The following RNLS variants were observed in gnomAD, a reference collection of about 807,000 sequenced individuals.
RNLS encodes renalase.
In RNLS, 39 loss-of-function variants were observed where a neutral mutation model predicts 39.8. That is an observed-to-expected ratio of 0.98 (90% confidence interval 0.76 to 1.28). RNLS has a LOEUF of 1.28. RNLS is among the 50% of genes most tolerant of loss of function. The probability of loss-of-function intolerance (pLI) is 0.00; values close to 1 mark genes in which losing one functional copy is unlikely to be tolerated. For missense variants in RNLS, 410 were observed against 413.3 expected (o/e 0.99, Z 0.07); for synonymous variants, 147 against 150.7 (o/e 0.98, Z 0.18).
rs144226407 is a variant in RNLS, at chr10:88,455,932, G to A, written c.527-93207C>T. 1.3e-3 allele frequency among the ~76,000 whole-genome samples: 201 copies of A among 152,256 alleles called. 1 individual carries two copies. Among genetic ancestry groups the A allele is most frequent in the African/African-American group, 4.7e-3 (194 of 41,532 alleles). On this transcript the variant is annotated intron_variant, in intron 4 of 6. Coordinates refer to ENST00000331772, the MANE Select transcript of RNLS (RefSeq NM_001031709.3). ...GAATAGTAATCTACCTCCATTAAAA[G>A]CCTCCCAAGAGGACTTAGCTCCAGT... is the stretch of plus-strand genomic sequence containing the variant.
chr10:88,338,100 AGCAGTCTAAAAATCAGTTG>A (rs1258356637), intron 5 of RNLS, among the ~76,000 whole-genome samples: 1 of 152,240 alleles, frequency 6.6e-6, no homozygotes, highest in African/African-American at 2.4e-5. Context: ...TTAATTTTCC[AGCAGTCTAAAAATCAGTTG>A]GCAGTGATGA....
At chr10:88,523,389 T>C (rs193125934) in intron 4 of RNLS, among the ~76,000 whole-genome samples, 6 of 152,282 alleles carry the variant, frequency 3.9e-5, no homozygotes, top group Non-Finnish European at 7.4e-5. Context: ...TTTATAGACT[T>C]TTTGAAAATA....
At chr10:88,544,622 C>A (rs1014221372) in intron 4 of RNLS, among the ~76,000 whole-genome samples, 3 of 152,142 alleles carry the variant, frequency 2.0e-5, no homozygotes, top group African/African-American at 7.2e-5. Flanking sequence ...AAAATGACTT[C>A]GACTTAAAAT....
intron 4 of RNLS, among the ~76,000 whole-genome samples, chr10:88,515,048 A>C (rs958202406): frequency 5.4e-5 from 8 of 149,370 alleles, no homozygotes; most frequent in Admixed American, 2.1e-4. Flanking sequence ...GTGCTTTTTT[A>C]AATAATGGCT....
At chr10:88,342,745 C>A (rs574788863) in intron 5 of RNLS, among the ~76,000 whole-genome samples, 4 of 152,062 alleles carry the variant, frequency 2.6e-5, no homozygotes, top group Non-Finnish European at 5.9e-5. Flanking sequence ...CTGAGACAGT[C>A]TAGGTAGAGA....
chr10:88,193,885 T>C, the RNLS span, among the ~76,000 whole-genome samples: 3 of 152,310 alleles, frequency 2.0e-5, no homozygotes, highest in South Asian at 6.2e-4. Flanking sequence ...CCCACTACAA[T>C]GTGGTTTTCT....
chr10:88,424,813 C>A (rs180681384), intron 4 of RNLS, among the ~76,000 whole-genome samples: 1 of 152,118 alleles, frequency 6.6e-6, no homozygotes, highest in East Asian at 1.9e-4. Context: ...AGCACTGGGG[C>A]AGAGGAAGTG....
chr10:88,212,034 C>T, the RNLS span, among the ~76,000 whole-genome samples: 177 of 152,234 alleles, frequency 1.2e-3, no homozygotes, highest in African/African-American at 4.2e-3. Context: ...AATTGCATTC[C>T]CATCATACAT....
chr10:88,386,467 T>G (rs1851862002), intron 4 of RNLS, among the ~76,000 whole-genome samples: 1 of 152,268 alleles, frequency 6.6e-6, no homozygotes, highest in Non-Finnish European at 1.5e-5. Flanking sequence ...CTGGTCATTT[T>G]AAACTGCAAA....
chr10:88,553,508 A>T (rs1025684045), intron 4 of RNLS, among the ~76,000 whole-genome samples: 1 of 152,190 alleles, frequency 6.6e-6, no homozygotes, highest in African/African-American at 2.4e-5. Flanking sequence ...AAGTATAACA[A>T]TCTTAAGAAT....
chr10:88,182,411 A>G, the RNLS span, among the ~76,000 whole-genome samples: 2 of 152,162 alleles, frequency 1.3e-5, no homozygotes, highest in African/African-American at 4.8e-5. Context: ...CTGAAGCCAC[A>G]CACTGATCAT....
At chr10:88,502,528 C>T (rs1845561617) in intron 4 of RNLS, among the ~76,000 whole-genome samples, 1 of 152,144 alleles carries the variant, frequency 6.6e-6, no homozygotes, top group Admixed American at 6.6e-5. Flanking sequence ...TAGCATGAGG[C>T]CCTCACCAGA....
intron 4 of RNLS, among the ~76,000 whole-genome samples, chr10:88,458,532 T>C (rs1434848868): frequency 6.6e-6 from 1 of 152,232 alleles, no homozygotes. Flanking sequence ...GCTGAATTCT[T>C]ACTGGCATTT....
chr10:88,197,115 G>A, the RNLS span, among the ~76,000 whole-genome samples: 3 of 152,164 alleles, frequency 2.0e-5, no homozygotes, highest in Non-Finnish European at 4.4e-5. Flanking sequence ...AATAAGTAAA[G>A]CTTCTGCCAC....
intron 4 of RNLS, among the ~76,000 whole-genome samples, chr10:88,469,910 A>C (rs1843422122): frequency 7.5e-6 from 1 of 133,004 alleles, no homozygotes; most frequent in East Asian, 2.5e-4. Context: ...TGTTGAATAC[A>C]TACATACATA....
chr10:88,194,489 G>A, the RNLS span, among the ~76,000 whole-genome samples: 1 of 152,210 alleles, frequency 6.6e-6, no homozygotes, highest in African/African-American at 2.4e-5. Flanking sequence ...AATCACAAAT[G>A]AATATAGCCA....
the RNLS span, among the ~76,000 whole-genome samples, chr10:88,194,395 C>A: frequency 1.3e-5 from 2 of 152,196 alleles, no homozygotes; most frequent in Admixed American, 6.5e-5. Context: ...TAGAGGTCTC[C>A]CATATTTTCC....
chr10:88,409,885 T>C (rs1853550040), intron 4 of RNLS, among the ~76,000 whole-genome samples: 2 of 152,144 alleles, frequency 1.3e-5, no homozygotes, highest in Non-Finnish European at 2.9e-5. Flanking sequence ...TTAATATTCA[T>C]TGTTAATATT....
intron 6 of RNLS, among the ~76,000 whole-genome samples, chr10:88,301,254 G>C (rs968156037): frequency 2.6e-5 from 4 of 152,168 alleles, no homozygotes; most frequent in Non-Finnish European, 5.9e-5. Flanking sequence ...TAAACTGTGA[G>C]TGTACATCCT....
Sources: allele counts gnomAD v4.1 joint callset (sites outside exome capture counted in the v4.1 genomes callset), GRCh38; gene constraint gnomAD v4.1.1; transcripts MANE v1.5; gene names NCBI Gene and HGNC (gene_info 2026-07-23, HGNC 2026-07-21).